The following NUDT16 variants were observed in gnomAD, a reference collection of about 807,000 sequenced individuals.
The protein encoded by NUDT16 is nudix hydrolase 16, also known as U8 snoRNA-decapping enzyme.
NUDT16 carries 12 observed loss-of-function variants against 11.7 expected under a neutral mutation model. That is an observed-to-expected ratio of 1.03 (90% CI 0.66 to 1.67). NUDT16 has a LOEUF of 1.67. Ranked by LOEUF, NUDT16 falls within the 40% of genes most tolerant of loss-of-function variation. The pLI, the probability that NUDT16 is intolerant of heterozygous loss-of-function variation, is 0.00. For synonymous variants in NUDT16, 129 were observed against 122.6 expected, an observed-to-expected ratio of 1.05 and a Z score of -0.35; for missense variants, 303 against 268.9, an observed-to-expected ratio of 1.13 and a Z score of -0.89.
chr3:131,382,124 C>G lies in NUDT16; in HGVS notation c.217C>G (p.Leu73Val), dbSNP rs1479102061. ...GCAGGACAGAAGCCTAGAGGACGGG[C>G]TGAACCGCGAGCTGCGCGAGGAGCT... ...DTQDRSLEDG[L>V]NRELREELGE... Residue 73 changes from leucine to valine, a missense_variant, in exon 2 of 3, where the codon CTG (leucine) becomes GTG (valine). By Grantham distance (32) the Leu-to-Val change is conservative (BLOSUM62 1). Transcript: ENST00000521288. 1 of 1,611,050 alleles carries G rather than the reference C, an allele frequency of 6.2e-7. No individual in the cohort carries two copies.
Position 131,385,350 on chromosome 3 carries a change from T to C in NUDT16, c.*2009T>C, listed in dbSNP as rs1416512582. 2.0e-5 allele frequency: 3 copies of C among 152,452 alleles called. No individual in the cohort carries two copies. In the East Asian group the frequency reaches 5.8e-4, roughly 29 times the overall value. 9.4% of individuals were successfully genotyped at this position (152,452 alleles called of 1,614,324 possible). ...GAGCCTTAAGAAGTGAAATCTAGGGTTGGCGAGGCTGGAGGGCAGGGTGAG... is the reference window on the plus strand; with the variant it reads ...GAGCCTTAAGAAGTGAAATCTAGGGCTGGCGAGGCTGGAGGGCAGGGTGAG... On this transcript the variant is annotated 3_prime_UTR_variant, in exon 3 of 3. Coordinates refer to ENST00000521288, the MANE Select transcript of NUDT16 (RefSeq NM_152395.3).
In NUDT16 at chr3:131,382,161, C is replaced by T. The variant is rs1283266112; in HGVS notation, c.254C>T (p.Ala85Val). The change falls in exon 2 of 3, where the codon GCT becomes GTT. Residue 85 changes from alanine to valine, a missense_variant. Physicochemically the swap from Ala to Val is moderately conservative, Grantham distance 64. Transcript: ENST00000521288. ...CTGCGCGAGGAGCTGGGCGAAGCGG[C>T]TGCCGCTTTCCGCGTGGAGCGCACT... is the stretch of plus-strand genomic sequence containing the variant. ...RELREELGEA[A>V]AAFRVERTDY... 6.2e-7 allele frequency: 1 copy of T among 1,612,160 alleles called. No individual in the cohort carries two copies. The highest frequency in any genetic ancestry group is 8.5e-7 in the Non-Finnish European group (1 of 1,179,420).
In NUDT16 at chr3:131,387,138, A is replaced by G. The variant is rs1275982996; in HGVS notation, c.*3797A>G. On this transcript the variant is annotated 3_prime_UTR_variant, in exon 3 of 3. Coordinates refer to ENST00000521288, the MANE Select transcript of NUDT16 (RefSeq NM_152395.3). Reference sequence around the variant, plus strand: ...GAGCCAGGTAGGGGATTTTATTTACAACATGTTCAATTCTGAGGAAGAGGA... The same window carrying G: ...GAGCCAGGTAGGGGATTTTATTTACGACATGTTCAATTCTGAGGAAGAGGA... The G allele has an allele frequency of 6.6e-6, 1 of 152,206 alleles. No individual in the cohort carries two copies. The highest frequency in any genetic ancestry group is 2.4e-5 in the African/African-American group (1 of 41,438). 9.4% of individuals were successfully genotyped at this position (152,206 alleles called of 1,614,324 possible).
intron 2 of NUDT16, chr3:131,382,784 C>T: frequency 8.4e-7 from 1 of 1,183,820 alleles, no homozygotes; most frequent in South Asian, 1.9e-5. Flanking sequence ...TCTCAGCATT[C>T]CTGCATTGGT....
At chr3:131,382,425 C>T (rs1367454013) in intron 2 of NUDT16, 110 bp downstream of exon 2, 2 of 1,546,156 alleles carry the variant, frequency 1.3e-6, no homozygotes, top group Non-Finnish European at 1.7e-6. Flanking sequence ...CTGACCTTGC[C>T]CTCTCCCCAG....
chr3:131,382,621 C>T (rs1277097882), intron 2 of NUDT16: 1 of 1,479,730 alleles, frequency 6.8e-7, no homozygotes, highest in Non-Finnish European at 8.9e-7. Context: ...GGTGTGGCAA[C>T]CTAGGTTTTA....
chr3:131,388,523 G>C lies in NUDT16; in HGVS notation c.*5182G>C, dbSNP rs964084988. 3 of 152,226 alleles carry C rather than the reference G, an allele frequency of 2.0e-5. No homozygotes were observed. Among genetic ancestry groups the C allele is most frequent in the African/African-American group, 4.8e-5 (2 of 41,456 alleles). The allele number at this position is 152,226 out of a possible 1,614,324, so 9.4% of individuals were successfully genotyped here. On this transcript the variant is annotated 3_prime_UTR_variant, in exon 3 of 3. Coordinates refer to ENST00000521288, the MANE Select transcript of NUDT16 (RefSeq NM_152395.3). ...TAGGTCACTTACTACAGCACAAATT[G>C]CATGTCTATCTAAATTGACGTTTAA...
At position 131,388,036 on chromosome 3, in the gene NUDT16, T is replaced by G. The variant is rs1221880683; in HGVS notation, c.*4695T>G. ...TTTAAGGAGAGCAGGGACTCTGAAA[T>G]GAGGTGAGAGAAAAGATAAGACATG... On this transcript the variant is annotated 3_prime_UTR_variant, in exon 3 of 3. Transcript: ENST00000521288. 1.3e-5 allele frequency: 2 copies of G among 151,716 alleles called. No homozygotes were observed. The allele number at this position is 151,716 out of a possible 1,614,324, so 9.4% of individuals were successfully genotyped here.
In NUDT16 at chr3:131,387,835, G is replaced by A. The variant is rs1393774604; in HGVS notation, c.*4494G>A. On this transcript the variant is annotated 3_prime_UTR_variant, in exon 3 of 3. Coordinates refer to ENST00000521288, the MANE Select transcript of NUDT16 (RefSeq NM_152395.3). The stretch of plus-strand genomic sequence containing the variant: ...GGTAAACAAGGAAGGGAGAACAGGT[G>A]AATGACCCCAATTGTTTGAAACCAA... 6.6e-6 allele frequency: 1 copy of A among 152,176 alleles called. No individual in the cohort carries two copies. The highest frequency in any genetic ancestry group is 1.9e-4 in the East Asian group (1 of 5,182). 9.4% of individuals were successfully genotyped at this position (152,176 alleles called of 1,614,324 possible).
Position 131,383,580 on chromosome 3 carries a change from CCT to C in NUDT16, c.*240_*241del, listed in dbSNP as rs1485416213. On this transcript the variant is annotated 3_prime_UTR_variant, in exon 3 of 3. Transcript: ENST00000521288. The surrounding 1 kb of genome is among the most constrained non-coding windows in gnomAD (Gnocchi z 4.4). ...GCAGGTTCTCAGAGCCTGCCTCCTCCCTGTTTATATGCGTACAGCCTGGTAAC... is the reference window on the plus strand; with the variant it reads ...GCAGGTTCTCAGAGCCTGCCTCCTCCGTTTATATGCGTACAGCCTGGTAAC... The C allele has an allele frequency of 5.1e-6, 4 of 779,624 alleles. No individual in the cohort carries two copies. The highest frequency in any genetic ancestry group is 2.7e-5 in the Admixed American group (1 of 36,636). 48.3% of individuals were successfully genotyped at this position (779,624 alleles called of 1,614,324 possible). A position where few individuals can be genotyped will look rare whatever the true frequency, so the allele number is the denominator to read the frequency against.
rs770172451 is a variant in NUDT16 at position 131,383,319 on chromosome 3, T to G, written c.566T>G (p.Leu189Arg). ...GLLQSGSISG[L>R]KIPAHH ...CTGCAGTCTGGCTCTATTTCAGGCC[T>G]TAAGATTCCAGCTCATCACTAGAGG... Residue 189 changes from leucine (L) to arginine (R), a missense_variant, in exon 3 of 3, where the codon CTT becomes CGT. By Grantham distance (102) the Leu-to-Arg change is moderately radical. Transcript: ENST00000521288. The surrounding 1 kb of genome is among the most constrained non-coding windows in gnomAD (Gnocchi z 4.4). 131 of 1,614,018 alleles carry G rather than the reference T, an allele frequency of 8.1e-5. No individual in the cohort carries two copies. Among genetic ancestry groups the G allele is most frequent in the Non-Finnish European group, 1.1e-4 (125 of 1,180,000 alleles).
At position 131,387,774 on chromosome 3, in the gene NUDT16, G is replaced by T. The variant is rs931599989; in HGVS notation, c.*4433G>T. On this transcript the variant is annotated 3_prime_UTR_variant, in exon 3 of 3. Coordinates refer to ENST00000521288, the MANE Select transcript of NUDT16 (RefSeq NM_152395.3). ...TGGGTTTACAACATCCTATTATCCA[G>T]CACTAGTCCTAGGTTGTGGATGTAG... 7 of 152,262 alleles carry T rather than the reference G, an allele frequency of 4.6e-5. No individual in the cohort carries two copies. Among genetic ancestry groups the T allele is most frequent in the African/African-American group, 1.7e-4 (7 of 41,436 alleles). 9.4% of individuals were successfully genotyped at this position (152,262 alleles called of 1,614,324 possible).
rs1293006012 is a variant in NUDT16, at chr3:131,387,357, C to G, written c.*4016C>G. 3 of 152,162 alleles carry G rather than the reference C, an allele frequency of 2.0e-5. No homozygotes were observed. The highest frequency in any genetic ancestry group is 4.4e-5 in the Non-Finnish European group (3 of 68,074). 9.4% of individuals were successfully genotyped at this position (152,162 alleles called of 1,614,324 possible). On this transcript the variant is annotated 3_prime_UTR_variant, in exon 3 of 3. Coordinates refer to ENST00000521288, the MANE Select transcript of NUDT16 (RefSeq NM_152395.3). ...AGGTAGTCTACAGGGGCCAGCTGGGCAGAGATGAAATCTTGCAAAGGAACC... is the reference window on the plus strand; with the variant it reads ...AGGTAGTCTACAGGGGCCAGCTGGGGAGAGATGAAATCTTGCAAAGGAACC...
Position 131,382,082 on chromosome 3 carries a change from G to A in NUDT16, c.175G>A (p.Gly59Ser). The A allele has an allele frequency of 6.3e-7, 1 of 1,585,816 alleles. No homozygotes were observed. Among genetic ancestry groups the A allele is most frequent in the Non-Finnish European group, 8.6e-7 (1 of 1,165,286 alleles). The part of the protein sequence containing the change: ...MRFDGRLGFP[G>S]GFVDTQDRSL... ...CTTCGATGGACGCCTGGGCTTCCCCGGCGGATTCGTGGACACGCAGGACAG... is the reference window on the plus strand; with the variant it reads ...CTTCGATGGACGCCTGGGCTTCCCCAGCGGATTCGTGGACACGCAGGACAG... Residue 59 changes from glycine (G) to serine (S), a missense_variant, in exon 2 of 3, where the codon GGC (glycine) becomes AGC (serine). Gly to Ser is a moderately conservative substitution (Grantham distance 56). Coordinates refer to ENST00000521288, the MANE Select transcript of NUDT16 (RefSeq NM_152395.3).
rs2097459364 is a variant in NUDT16 at position 131,385,417 on chromosome 3, G to A, written c.*2076G>A. On this transcript the variant is annotated 3_prime_UTR_variant, in exon 3 of 3. Transcript: ENST00000521288. ...GAAGCAAGAAACCGACAGATGTTGA[G>A]GAGAATGGTGTGACCTAGGAGTCAG... 1.3e-5 allele frequency: 2 copies of A among 152,492 alleles called. No homozygotes were observed. Among genetic ancestry groups the A allele is most frequent in the Admixed American group, 1.3e-4 (2 of 15,292 alleles). 9.4% of individuals were successfully genotyped at this position (152,492 alleles called of 1,614,324 possible). A position where few individuals can be genotyped will look rare whatever the true frequency, so the allele number is the denominator to read the frequency against.
chr3:131,381,888 C>T lies in NUDT16; in HGVS notation c.84C>T (p.Tyr28=), dbSNP rs1478121565. ...GWRHACHALL[Y]APDPGMLFGR... ...GTCATGCGTGCCACGCTCTCCTCTA[C>T]GCGCCGGACCCTGGGATGCTCTTCG... Residue 28 remains tyrosine (Y), a synonymous_variant, in exon 1 of 3, where the codon TAC becomes TAT. Transcript: ENST00000521288. 8 of 1,609,842 alleles carry T rather than the reference C, an allele frequency of 5.0e-6. 1 individual carries two copies. The South Asian group carries it at 6.6e-5, about 13-fold the overall frequency.
At position 131,383,562 on chromosome 3, in the gene NUDT16, C is replaced by T; in HGVS notation, c.*221C>T. The T allele has an allele frequency of 1.0e-6, 1 of 994,318 alleles. No individual in the cohort carries two copies. The highest frequency in any genetic ancestry group is 1.4e-6 in the Non-Finnish European group (1 of 691,188). The allele number at this position is 994,318 out of a possible 1,614,324, so 61.6% of individuals were successfully genotyped here. A position where few individuals can be genotyped will look rare whatever the true frequency, so the allele number is the denominator to read the frequency against. On this transcript the variant is annotated 3_prime_UTR_variant, in exon 3 of 3. Coordinates refer to ENST00000521288, the MANE Select transcript of NUDT16 (RefSeq NM_152395.3). The surrounding 1 kb of genome is among the most constrained non-coding windows in gnomAD (Gnocchi z 4.4). Reference sequence around the variant, plus strand: ...CTTATCCCAGGCACCCTGGCAGGTTCTCAGAGCCTGCCTCCTCCCTGTTTA... The same window carrying T: ...CTTATCCCAGGCACCCTGGCAGGTTTTCAGAGCCTGCCTCCTCCCTGTTTA...
chr3:131,381,869 C>G lies in NUDT16; in HGVS notation c.65C>G (p.Ala22Gly). The G allele has an allele frequency of 6.2e-7, 1 of 1,606,354 alleles. No individual in the cohort carries two copies. Among genetic ancestry groups the G allele is most frequent in the Non-Finnish European group, 8.5e-7 (1 of 1,179,294 alleles). ...ALALGSGWRHACHALLYAPDP... is the reference protein window; with the variant it reads ...ALALGSGWRHGCHALLYAPDP... ...GCGCTGGGGTCGGGCTGGCGTCATG[C>G]GTGCCACGCTCTCCTCTACGCGCCG... Residue 22 changes from alanine to glycine, a missense_variant, in exon 1 of 3, where the codon GCG becomes GGG. Transcript: ENST00000521288.
At position 131,382,465 on chromosome 3, in the gene NUDT16, T is replaced by C. The variant is rs2097456401; in HGVS notation, c.408+150T>C. ...CTTGGTGGAGTTGGGATCGTGATCATCTATACTCTGAATTAGTACTGCCAA... is the reference window on the plus strand; with the variant it reads ...CTTGGTGGAGTTGGGATCGTGATCACCTATACTCTGAATTAGTACTGCCAA... On this transcript the variant is annotated intron_variant, in intron 2 of 2. Transcript: ENST00000521288. The C allele has an allele frequency of 2.6e-6, 4 of 1,536,858 alleles. No individual in the cohort carries two copies. The Admixed American group carries it at 7.8e-5, about 30-fold the overall frequency.
Sources: allele counts gnomAD v4.1 joint callset, GRCh38; gene constraint gnomAD v4.1.1; non-coding constraint Gnocchi (gnomAD v3.1); transcripts MANE v1.5; gene names NCBI Gene and HGNC (gene_info 2026-07-23, HGNC 2026-07-21).